Variants in MSI2 observed in about 807,000 individuals in gnomAD.
MSI2 encodes the protein musashi RNA binding protein 2.
Under a neutral mutation model 45.6 loss-of-function variants are expected in MSI2, and 17 were observed. The observed-to-expected ratio is 0.37, with a 90% CI of 0.26 to 0.56. The LOEUF (loss-of-function observed/expected upper bound fraction) is 0.56. Ranked by LOEUF, MSI2 falls within the 20% of genes least tolerant of loss-of-function variation. MSI2 has a pLI of 0.77. For synonymous variants in MSI2, 156 were observed against 158.2 expected, an observed-to-expected ratio of 0.99 and a Z score of 0.11; for missense variants, 293 against 444.2, an observed-to-expected ratio of 0.66 and a Z score of 3.06.
intron 6 of MSI2, among the ~76,000 whole-genome samples, chr17:57,511,580 G>A (rs1048526241): frequency 6.6e-5 from 10 of 152,214 alleles, no homozygotes; most frequent in Admixed American, 2.0e-4. Context: ...GGTTTCTCTC[G>A]TGCGTACGGA....
At chr17:57,443,331 C>T (rs79527919) in intron 6 of MSI2, among the ~76,000 whole-genome samples, 2,633 of 152,298 alleles carry the variant, frequency 0.017, 40 homozygotes, top group Admixed American at 0.026. Context: ...TCCGTTTGTG[C>T]CGCGTGTTTG....
intron 7 of MSI2, among the ~76,000 whole-genome samples, chr17:57,570,304 A>G (rs1247038215): frequency 6.6e-6 from 1 of 152,194 alleles, no homozygotes; most frequent in Non-Finnish European, 1.5e-5. Flanking sequence ...AAAACCCCCC[A>G]GGTGATTATG....
chr17:57,494,442 G>C (rs1225243270), intron 6 of MSI2, among the ~76,000 whole-genome samples: 1 of 152,120 alleles, frequency 6.6e-6, no homozygotes, highest in Admixed American at 6.5e-5. Context: ...GGGGGCTGGA[G>C]AAGTAGAGGA....
chr17:57,659,767 A>T (rs1475422023), intron 11 of MSI2, among the ~76,000 whole-genome samples: 1 of 152,210 alleles, frequency 6.6e-6, no homozygotes, highest in African/African-American at 2.4e-5. Flanking sequence ...CCATGTAGGG[A>T]CAGCCCAAGT....
intron 7 of MSI2, among the ~76,000 whole-genome samples, chr17:57,579,095 T>C (rs1399668464): frequency 6.6e-6 from 1 of 152,192 alleles, no homozygotes. Context: ...CATTAGAGCA[T>C]ATGGTATGTG....
At chr17:57,496,434 A>G (rs1334041956) in intron 6 of MSI2, among the ~76,000 whole-genome samples, 1 of 148,354 alleles carries the variant, frequency 6.7e-6, no homozygotes, top group African/African-American at 2.5e-5. Context: ...GAGGCTGATG[A>G]ACGGTCTCAT....
intron 5 of MSI2, among the ~76,000 whole-genome samples, chr17:57,340,609 A>G (rs1428765093): frequency 4.6e-5 from 7 of 152,118 alleles, no homozygotes; most frequent in Admixed American, 4.6e-4. Flanking sequence ...ATTGTGGCTG[A>G]GTCATTTTAC....
intron 5 of MSI2, among the ~76,000 whole-genome samples, chr17:57,290,736 T>C (rs1297246903): frequency 6.6e-6 from 1 of 152,200 alleles, no homozygotes; most frequent in Non-Finnish European, 1.5e-5. Context: ...AATCGGTGTC[T>C]CAGTCTTGGG....
At chr17:57,636,451 C>T (rs537552788) in intron 10 of MSI2, among the ~76,000 whole-genome samples, 1 of 152,340 alleles carries the variant, frequency 6.6e-6, no homozygotes, top group African/African-American at 2.4e-5. Flanking sequence ...CATCCACCCC[C>T]TCCTCTAGCC....
intron 11 of MSI2, among the ~76,000 whole-genome samples, chr17:57,666,867 G>A (rs529672716): frequency 1.3e-5 from 2 of 152,034 alleles, no homozygotes; most frequent in African/African-American, 2.4e-5. Context: ...AAAAAGAGAC[G>A]AGTGTGCTTC....
chr17:57,344,872 G>A (rs983374419), intron 5 of MSI2, among the ~76,000 whole-genome samples: 1 of 152,164 alleles, frequency 6.6e-6, no homozygotes, highest in African/African-American at 2.4e-5. Context: ...AGACCAGCCT[G>A]ACCAACATGG....
At chr17:57,292,572 G>A (rs1910516508) in intron 5 of MSI2, among the ~76,000 whole-genome samples, 1 of 150,164 alleles carries the variant, frequency 6.7e-6, no homozygotes, top group African/African-American at 2.4e-5. Flanking sequence ...TAGAAATGGA[G>A]GTTGGTGGGG....
intron 6 of MSI2, among the ~76,000 whole-genome samples, chr17:57,527,263 CCCCA>C (rs61598693): frequency 0.92 from 131,859 of 143,410 alleles, 60,654 homozygotes; most frequent in African/African-American, 0.97. Flanking sequence ...AGGACTCATC[CCCCA>C]CCCACCCACC....
At chr17:57,545,430 C>A (rs767396365) in intron 7 of MSI2, among the ~76,000 whole-genome samples, 1 of 152,158 alleles carries the variant, frequency 6.6e-6, no homozygotes, top group Non-Finnish European at 1.5e-5. Context: ...TCCAGACATC[C>A]CCACCCCTGT....
At chr17:57,453,426 A>G (rs190973606) in intron 6 of MSI2, among the ~76,000 whole-genome samples, 110 of 152,308 alleles carry the variant, frequency 7.2e-4, no homozygotes, top group Non-Finnish European at 1.3e-3. Flanking sequence ...GATGAGCACT[A>G]CAGGCCTTAT....
At chr17:57,263,544 A>ATAAG (rs1342701185) in intron 5 of MSI2, 1 of 152,218 alleles carries the variant, frequency 6.6e-6, no homozygotes, top group Non-Finnish European at 1.5e-5. Context: ...TGTTTCTTCC[A>ATAAG]TAAGTGTGAA....
intron 5 of MSI2, among the ~76,000 whole-genome samples, chr17:57,304,085 G>A (rs187470464): frequency 5.9e-5 from 9 of 152,280 alleles, no homozygotes; most frequent in African/African-American, 1.7e-4. Context: ...ATGGCTGTGC[G>A]CCATGGCTCA....
At chr17:57,438,583 G>A (rs2084734977) in intron 6 of MSI2, among the ~76,000 whole-genome samples, 1 of 152,102 alleles carries the variant, frequency 6.6e-6, no homozygotes, top group African/African-American at 2.4e-5. Context: ...GACAAGGAGG[G>A]GTGGCAAGCA....
intron 5 of MSI2, among the ~76,000 whole-genome samples, chr17:57,345,384 C>T (rs1488474762): frequency 6.6e-6 from 1 of 152,142 alleles, no homozygotes; most frequent in Non-Finnish European, 1.5e-5. Context: ...GTTTCCCAAC[C>T]CCTGAGAGGT....
Sources: allele counts gnomAD v4.1 joint callset (sites outside exome capture counted in the v4.1 genomes callset), GRCh38; gene constraint gnomAD v4.1.1; transcripts MANE v1.5; gene names NCBI Gene and HGNC (gene_info 2026-07-23, HGNC 2026-07-21).